UBE2E2: variants seen among roughly 807,000 people sequenced by gnomAD.
UBE2E2 encodes ubiquitin conjugating enzyme E2 E2, also known as ubiquitin-conjugating enzyme E2 E2.
A neutral mutation model predicts 24.7 loss-of-function variants in UBE2E2; 6 were observed. That is an observed-to-expected ratio of 0.24 (90% CI 0.13 to 0.48). The LOEUF is 0.48. Ranked by LOEUF, UBE2E2 falls within the 20% of genes least tolerant of loss-of-function variation. The probability of loss-of-function intolerance (pLI) is 0.99; values close to 1 mark genes in which losing one functional copy is unlikely to be tolerated. For synonymous variants in UBE2E2, 104 were observed against 83.6 expected (o/e 1.24, Z -1.33); for missense variants, 169 against 245.0 (o/e 0.69, Z 2.07).
intron 1 of UBE2E2, 81 bp downstream of exon 1, chr3:23,203,545 C>A (rs1253257043): frequency 1.3e-4 from 114 of 860,668 alleles, no homozygotes; most frequent in Non-Finnish European, 1.6e-4. Flanking sequence ...CCCCCGACCT[C>A]CCCTCCGCGT....
At chr3:23,510,230 C>T (rs1694561811) in intron 4 of UBE2E2, among the ~76,000 whole-genome samples, 1 of 152,134 alleles carries the variant, frequency 6.6e-6, no homozygotes, top group Non-Finnish European at 1.5e-5. Flanking sequence ...GACCACCTGT[C>T]CTTTCGCAGG....
chr3:23,406,713 A>T (rs939748097), intron 3 of UBE2E2, among the ~76,000 whole-genome samples: 1 of 152,206 alleles, frequency 6.6e-6, no homozygotes, highest in Admixed American at 6.5e-5. Context: ...TGTGACCATG[A>T]CAATTGACTG....
intron 3 of UBE2E2, among the ~76,000 whole-genome samples, chr3:23,307,158 C>T (rs1180143467): frequency 6.6e-6 from 1 of 152,128 alleles, no homozygotes; most frequent in African/African-American, 2.4e-5. Context: ...CTTTCTGCCT[C>T]CCTTTCCGTT....
chr3:23,213,353 A>G (rs1559441084), intron 2 of UBE2E2, among the ~76,000 whole-genome samples: 2 of 151,900 alleles, frequency 1.3e-5, no homozygotes, highest in Non-Finnish European at 2.9e-5. Flanking sequence ...TAATTTTGGT[A>G]CCATATTCTT....
intron 3 of UBE2E2, among the ~76,000 whole-genome samples, chr3:23,348,036 G>C (rs1695613847): frequency 6.6e-6 from 1 of 152,064 alleles, no homozygotes; most frequent in Non-Finnish European, 1.5e-5. Flanking sequence ...TAAGCACCCT[G>C]TAAACACTGA....
chr3:23,431,603 T>C (rs895265969), intron 3 of UBE2E2, among the ~76,000 whole-genome samples: 22 of 152,240 alleles, frequency 1.4e-4, no homozygotes, highest in African/African-American at 4.8e-4. Flanking sequence ...AGCTGTCTTA[T>C]AAGTTGTAAA....
At chr3:23,504,295 A>T (rs1003264108) in intron 4 of UBE2E2, among the ~76,000 whole-genome samples, 1 of 152,228 alleles carries the variant, frequency 6.6e-6, no homozygotes, top group Non-Finnish European at 1.5e-5. Context: ...AAGGGTGCCT[A>T]GTATTCCGTT....
At chr3:23,297,725 C>A (rs1698951401) in intron 3 of UBE2E2, among the ~76,000 whole-genome samples, 1 of 152,124 alleles carries the variant, frequency 6.6e-6, no homozygotes, top group African/African-American at 2.4e-5. Context: ...TAGCATGATG[C>A]CTCCAGCTTT....
At chr3:23,231,193 C>T (rs1696965380) in intron 3 of UBE2E2, among the ~76,000 whole-genome samples, 1 of 152,092 alleles carries the variant, frequency 6.6e-6, no homozygotes, top group Non-Finnish European at 1.5e-5. Flanking sequence ...TCCTCTTCAC[C>T]CATAGATTGT....
chr3:23,306,264 C>G (rs1157974290), intron 3 of UBE2E2, among the ~76,000 whole-genome samples: 1 of 152,176 alleles, frequency 6.6e-6, no homozygotes, highest in Non-Finnish European at 1.5e-5. Context: ...GTCTGTGTCT[C>G]AGTTCTCTGA....
At chr3:23,466,310 G>T (rs1191145398) in intron 3 of UBE2E2, among the ~76,000 whole-genome samples, 1 of 152,200 alleles carries the variant, frequency 6.6e-6, no homozygotes, top group East Asian at 1.9e-4. Context: ...TAAGTGAGAT[G>T]TGGAAAACAG....
chr3:23,305,733 A>T (rs1195893997), intron 3 of UBE2E2, among the ~76,000 whole-genome samples: 1 of 151,858 alleles, frequency 6.6e-6, no homozygotes, highest in Admixed American at 6.6e-5. Flanking sequence ...CATTCTTTTT[A>T]TTTTTTATTT....
At chr3:23,467,782 C>T (rs770582988) in intron 3 of UBE2E2, among the ~76,000 whole-genome samples, 5 of 152,154 alleles carry the variant, frequency 3.3e-5, no homozygotes, top group Non-Finnish European at 7.4e-5. Flanking sequence ...TAATTATGCT[C>T]ACAGTTTTGT....
intron 3 of UBE2E2, among the ~76,000 whole-genome samples, chr3:23,472,087 A>G (rs2125434917): frequency 6.6e-6 from 1 of 152,346 alleles, no homozygotes; most frequent in South Asian, 2.1e-4. Context: ...AAAACAAGCT[A>G]AAAGAAGTTT....
At chr3:23,545,030 C>T (rs2125494675) in intron 5 of UBE2E2, among the ~76,000 whole-genome samples, 1 of 152,370 alleles carries the variant, frequency 6.6e-6, no homozygotes, top group Admixed American at 6.5e-5. Context: ...TTGCTGCCCG[C>T]ATGTCCCACC....
At chr3:23,269,566 G>A (rs1009309559) in intron 3 of UBE2E2, among the ~76,000 whole-genome samples, 3 of 152,172 alleles carry the variant, frequency 2.0e-5, no homozygotes, top group Non-Finnish European at 4.4e-5. Context: ...GGGAGTTGGG[G>A]TAGGAGAAAG....
At chr3:23,385,448 C>A (rs779168339) in intron 3 of UBE2E2, among the ~76,000 whole-genome samples, 1 of 152,206 alleles carries the variant, frequency 6.6e-6, no homozygotes, top group African/African-American at 2.4e-5. Flanking sequence ...GGATAGCCTT[C>A]TGTCACCTAT....
At chr3:23,363,163 A>T (rs115761521) in intron 3 of UBE2E2, among the ~76,000 whole-genome samples, 4,446 of 152,336 alleles carry the variant, frequency 0.029, 113 homozygotes, top group East Asian at 0.13. Context: ...AGATATAGAA[A>T]GGAAAGACTG....
At chr3:23,423,607 A>C (rs912309313) in intron 3 of UBE2E2, among the ~76,000 whole-genome samples, 11 of 152,174 alleles carry the variant, frequency 7.2e-5, no homozygotes, top group African/African-American at 2.7e-4. Flanking sequence ...ATAACACACT[A>C]ATGCCATAAT....
Sources: gnomAD v4.1 joint callset for allele counts (sites outside exome capture counted in the v4.1 genomes callset) on GRCh38, gnomAD v4.1.1 for gene constraint, MANE v1.5 for transcripts, NCBI Gene and HGNC (gene_info 2026-07-23, HGNC 2026-07-21) for gene names.